The following TRMT2B variants were observed in gnomAD, a reference collection of about 807,000 sequenced individuals.
The protein encoded by TRMT2B is tRNA methyltransferase 2B, also known as tRNA (uracil-5-)-methyltransferase homolog B.
In TRMT2B, 34 loss-of-function variants were observed where a neutral mutation model predicts 39.7. The observed-to-expected ratio is 0.86, with a 90% CI of 0.65 to 1.14. The LOEUF (loss-of-function observed/expected upper bound fraction) is 1.14, where lower values mean the gene tolerates loss of function less well. Among genes scored for constraint, TRMT2B ranks in the 50% most tolerant of loss-of-function variants. The probability of loss-of-function intolerance (pLI) is 0.00; values close to 1 mark genes in which losing one functional copy is unlikely to be tolerated. For synonymous variants in TRMT2B, 132 were observed against 137.3 expected (o/e 0.96, Z 0.27); for missense variants, 318 against 377.2 (o/e 0.84, Z 1.30).
the TRMT2B span, chrX:100,974,314 C>T: frequency 3.8e-6 from 2 of 521,636 alleles, no homozygotes; most frequent in Admixed American, 2.9e-5. Flanking sequence ...TCTTTTTGTG[C>T]ATAAACACCT....
chrX:101,024,800 AAC>A (rs1457890963), intron 7 of TRMT2B, among the ~76,000 whole-genome samples: 1 of 110,405 alleles, frequency 9.1e-6, no homozygotes, highest in Non-Finnish European at 1.9e-5. Flanking sequence ...CAGCCTGGGC[AAC>A]AGAGTGAGAC....
intron 7 of TRMT2B, among the ~76,000 whole-genome samples, chrX:101,027,521 C>T (rs1319392553): frequency 9.1e-6 from 1 of 109,717 alleles, no homozygotes; most frequent in Non-Finnish European, 1.9e-5. Flanking sequence ...GGATTACAGG[C>T]GTGAGCCACG....
At chrX:101,015,056 T>C (rs1048110110) in intron 13 of TRMT2B, among the ~76,000 whole-genome samples, 2 of 111,894 alleles carry the variant, frequency 1.8e-5, no homozygotes, top group African/African-American at 6.5e-5. Context: ...AAAAATACCT[T>C]AGAGATCTCT....
At chrX:101,013,063 C>T (rs1403335969) in intron 13 of TRMT2B, among the ~76,000 whole-genome samples, 2 of 111,047 alleles carry the variant, frequency 1.8e-5, no homozygotes, top group East Asian at 2.8e-4. Context: ...TCAAGTGATC[C>T]GCCTACCTCA....
intron 13 of TRMT2B, among the ~76,000 whole-genome samples, chrX:101,018,124 T>C (rs1415911110): frequency 9.0e-6 from 1 of 110,991 alleles, no homozygotes; most frequent in African/African-American, 3.3e-5. Flanking sequence ...GAGGATCACC[T>C]GCACCCAGGA....
chrX:101,016,223 C>G (rs969428798), intron 13 of TRMT2B, among the ~76,000 whole-genome samples: 1 of 111,452 alleles, frequency 9.0e-6, no homozygotes, highest in Admixed American at 9.7e-5. Context: ...ACCAAACACC[C>G]GTTAGCAATC....
intron 3 of TRMT2B, 83 bp downstream of exon 3, chrX:101,041,959 T>C (rs988214999): frequency 2.5e-5 from 28 of 1,119,616 alleles, no homozygotes; most frequent in Non-Finnish European, 3.3e-5. Context: ...TAATGCTACA[T>C]TAGTTACACT....
At chrX:101,033,256 C>CAA (rs748471263) in intron 7 of TRMT2B, among the ~76,000 whole-genome samples, 5 of 58,191 alleles carry the variant, frequency 8.6e-5, no homozygotes, top group Admixed American at 8.2e-4. Flanking sequence ...AACTCCAAGT[C>CAA]AAAAAAAAAA....
At chrX:101,036,370 G>A (rs1293838951) in intron 6 of TRMT2B, among the ~76,000 whole-genome samples, 5 of 103,565 alleles carry the variant, frequency 4.8e-5, no homozygotes, top group Non-Finnish European at 9.9e-5. Flanking sequence ...ACTTGAACTC[G>A]GGAGGCGGAG....
the TRMT2B span, among the ~76,000 whole-genome samples, chrX:101,004,114 G>A: frequency 9.0e-6 from 1 of 111,669 alleles, no homozygotes; most frequent in Non-Finnish European, 1.9e-5. Flanking sequence ...CAATTCTTCT[G>A]CCTCAGCCTC....
the TRMT2B span, chrX:100,988,640 C>T: frequency 1.3e-6 from 1 of 770,764 alleles, no homozygotes. Context: ...CAATTTTGAG[C>T]CTGAATTTCT....
the TRMT2B span, among the ~76,000 whole-genome samples, chrX:100,998,038 T>C: frequency 9.0e-6 from 1 of 110,917 alleles, no homozygotes; most frequent in African/African-American, 3.3e-5. Flanking sequence ...GCGGATCACT[T>C]GAGGTCAGGC....
At chrX:100,982,399 G>A in the TRMT2B span, among the ~76,000 whole-genome samples, 3 of 110,668 alleles carry the variant, frequency 2.7e-5, no homozygotes, top group Non-Finnish European at 5.7e-5. Context: ...GGCTGAGGTA[G>A]GAGAATTGCT....
At chrX:101,045,043 G>A (rs1450564270) in intron 2 of TRMT2B, among the ~76,000 whole-genome samples, 3 of 105,418 alleles carry the variant, frequency 2.8e-5, no homozygotes, top group Non-Finnish European at 5.9e-5. Flanking sequence ...AAAAAAAAGG[G>A]GGGGGTGGGG....
At chrX:101,026,119 C>G (rs1232884014) in intron 7 of TRMT2B, among the ~76,000 whole-genome samples, 1 of 110,793 alleles carries the variant, frequency 9.0e-6, no homozygotes. Flanking sequence ...GAAATTCTGA[C>G]TAGTTCAACT....
chrX:101,030,278 A>G (rs1393902059), intron 7 of TRMT2B, among the ~76,000 whole-genome samples: 2 of 109,351 alleles, frequency 1.8e-5, no homozygotes, highest in African/African-American at 6.7e-5. Flanking sequence ...AAACAAACAA[A>G]CAAAAACTGG....
chrX:101,051,359 A>C lies in TRMT2B; in HGVS notation c.-132T>G. The C allele has an allele frequency of 1.3e-6, 1 of 753,812 alleles. No individual in the cohort carries two copies. Among genetic ancestry groups the C allele is most frequent in the Non-Finnish European group, 1.6e-6 (1 of 639,279 alleles). 62.1% of individuals were successfully genotyped at this position (753,812 alleles called of 1,213,427 possible). A position where few individuals can be genotyped will look rare whatever the true frequency, so the allele number is the denominator to read the frequency against. ...TTCAGCTGGACCGGCTCCAGACACT[A>C]TTCCTTGCTAAACCAAACAAGCAAA... On this transcript the variant is annotated 5_prime_UTR_variant, in exon 2 of 14. Coordinates refer to ENST00000372936, the MANE Select transcript of TRMT2B (RefSeq NM_024917.6).
chrX:101,009,575 C>G lies in TRMT2B; in HGVS notation c.*1006G>C, dbSNP rs1168359811. 3 of 91,749 alleles carry G rather than the reference C, an allele frequency of 3.3e-5. No homozygotes were observed. The highest frequency in any genetic ancestry group is 1.3e-4 in the African/African-American group (3 of 23,860). The allele number at this position is 91,749 out of a possible 1,213,427, so 7.6% of individuals were successfully genotyped here. On this transcript the variant is annotated 3_prime_UTR_variant, in exon 14 of 14. Transcript: ENST00000372936. Reference sequence around the variant, plus strand: ...TTTTTTTTTGAGATGGTGTCTCACTCTGTCACCCAGGCTGGAGTGCAGTGG... The same window carrying G: ...TTTTTTTTTGAGATGGTGTCTCACTGTGTCACCCAGGCTGGAGTGCAGTGG...
intron 2 of TRMT2B, among the ~76,000 whole-genome samples, chrX:101,046,816 C>T (rs1212812022): frequency 9.0e-6 from 1 of 111,291 alleles, no homozygotes; most frequent in Non-Finnish European, 1.9e-5. Context: ...ATCCCACCTA[C>T]TCAGGAGGCT....
Sources: gnomAD v4.1 joint callset for allele counts (sites outside exome capture counted in the v4.1 genomes callset) on GRCh38, gnomAD v4.1.1 for gene constraint, MANE v1.5 for transcripts, NCBI Gene and HGNC (gene_info 2026-07-23, HGNC 2026-07-21) for gene names.